SNX18: variants seen among roughly 807,000 people sequenced by gnomAD.
The protein encoded by SNX18 is sorting nexin-18.
In SNX18, 35 loss-of-function variants were observed where a neutral mutation model predicts 48.7. The ratio of observed to expected loss-of-function variants is 0.72; its 90% CI spans 0.55 to 0.95. SNX18 has a LOEUF of 0.95. Among genes scored for constraint, SNX18 ranks in the 40% least tolerant of loss-of-function variants. The pLI, the probability that SNX18 is intolerant of heterozygous loss-of-function variation, is 0.00. For missense variants in SNX18, 824 were observed against 871.0 expected, an observed-to-expected ratio of 0.95 and a Z score of 0.68; for synonymous variants, 492 against 384.7, an observed-to-expected ratio of 1.28 and a Z score of -3.26.
At chr5:54,638,512 G>C in the SNX18 span, among the ~76,000 whole-genome samples, 1 of 144,298 alleles carries the variant, frequency 6.9e-6, no homozygotes, top group Non-Finnish European at 1.5e-5. Context: ...AAAATTTTTT[G>C]GTGAAGAATT....
At chr5:54,520,407 C>T (rs1762000821) in intron 1 of SNX18, 1 of 168,334 alleles carries the variant, frequency 5.9e-6, no homozygotes, top group African/African-American at 2.4e-5. Context: ...CTTAACATTT[C>T]TTACTAATGT....
the SNX18 span, among the ~76,000 whole-genome samples, chr5:54,628,999 A>G: frequency 3.9e-5 from 6 of 152,322 alleles, no homozygotes; most frequent in African/African-American, 1.4e-4. Flanking sequence ...CCTACACCGG[A>G]AAGTCCTTCA....
chr5:54,574,682 G>A, the SNX18 span, among the ~76,000 whole-genome samples: 19 of 152,222 alleles, frequency 1.2e-4, no homozygotes, highest in Middle Eastern at 6.8e-3. Context: ...GGAAAGGAAG[G>A]GGGTGTGAGA....
At chr5:54,638,860 G>C in the SNX18 span, among the ~76,000 whole-genome samples, 1 of 152,134 alleles carries the variant, frequency 6.6e-6, no homozygotes, top group African/African-American at 2.4e-5. Context: ...TCCAGGGCCC[G>C]ACCTCAAGAC....
chr5:54,582,785 G>A, the SNX18 span, among the ~76,000 whole-genome samples: 1 of 151,674 alleles, frequency 6.6e-6, no homozygotes, highest in Non-Finnish European at 1.5e-5. Flanking sequence ...AAATAAATTA[G>A]AATCTGTTCG....
chr5:54,518,503 C>A lies in SNX18; in HGVS notation c.551C>A (p.Ser184Ter). ...GAYPDLDGSS[S>*]AGVGAAGRYR... is the part of the protein sequence containing the mutation. ...TACCCGGACCTCGACGGCTCGTCTT[C>A]GGCGGGTGTGGGCGCAGCCGGCCGC... is the stretch of plus-strand genomic sequence containing the variant. Residue 184 changes from serine to a stop codon, truncating the protein, a stop_gained, in exon 1 of 2, where the codon TCG becomes TAG. Transcript: ENST00000381410. LOFTEE classifies it high-confidence loss of function. 6.4e-7 allele frequency: 1 copy of A among 1,556,502 alleles called. No homozygotes were observed. Among genetic ancestry groups the A allele is most frequent in the Non-Finnish European group, 8.7e-7 (1 of 1,150,876 alleles).
chr5:54,566,735 A>G, the SNX18 span, among the ~76,000 whole-genome samples: 1 of 152,190 alleles, frequency 6.6e-6, no homozygotes, highest in African/African-American at 2.4e-5. Context: ...ACCTAGGCAT[A>G]TGGCCACACC....
the SNX18 span, among the ~76,000 whole-genome samples, chr5:54,618,402 G>A: frequency 3.9e-5 from 6 of 152,136 alleles, no homozygotes; most frequent in Non-Finnish European, 8.8e-5. Flanking sequence ...TTTCACAAAG[G>A]TAGAAATAAG....
At chr5:54,576,976 A>G in the SNX18 span, among the ~76,000 whole-genome samples, 33 of 151,906 alleles carry the variant, frequency 2.2e-4, 1 homozygote, top group African/African-American at 6.8e-4. Context: ...TAATTTTTGT[A>G]TTTTTAGTAG....
chr5:54,553,908 G>A, the SNX18 span, among the ~76,000 whole-genome samples: 1 of 152,230 alleles, frequency 6.6e-6, no homozygotes, highest in African/African-American at 2.4e-5. Context: ...CCCAGTCAGG[G>A]TGCTGCTACA....
At chr5:54,608,803 C>T in the SNX18 span, among the ~76,000 whole-genome samples, 1 of 152,136 alleles carries the variant, frequency 6.6e-6, no homozygotes, top group African/African-American at 2.4e-5. Flanking sequence ...ACCCATCCTC[C>T]TAGGCTGGTG....
chr5:54,518,205 G>A lies in SNX18; in HGVS notation c.253G>A (p.Gly85Ser). The change falls in exon 1 of 2, where the codon GGC (glycine) becomes AGC (serine). Residue 85 changes from glycine to serine, a missense_variant. Around this residue, in one of 3 missense-constraint regions of SNX18, gnomAD observed 377 missense variants for 350.6 expected, o/e 1.08. Transcript: ENST00000381410. ...PARYANVPPG[G>S]FEPLPVAPPA... is the part of the protein sequence containing the mutation. ...CCGCTACGCCAATGTGCCCCCCGGG[G>A]GCTTCGAGCCCCTGCCTGTCGCGCC... 7 of 1,398,214 alleles carry A rather than the reference G, an allele frequency of 5.0e-6. No individual in the cohort carries two copies. Among genetic ancestry groups the A allele is most frequent in the Non-Finnish European group, 5.5e-6 (6 of 1,086,020 alleles). The allele number at this position is 1,398,214 out of a possible 1,614,324, so 86.6% of individuals were successfully genotyped here.
chr5:54,601,974 A>G, the SNX18 span, among the ~76,000 whole-genome samples: 1 of 152,146 alleles, frequency 6.6e-6, no homozygotes, highest in Non-Finnish European at 1.5e-5. Flanking sequence ...ATAATTCCCT[A>G]TTCTCTGTTG....
At chr5:54,558,869 T>C in the SNX18 span, among the ~76,000 whole-genome samples, 1 of 152,140 alleles carries the variant, frequency 6.6e-6, no homozygotes, top group African/African-American at 2.4e-5. Flanking sequence ...TTCTAATGAA[T>C]GTATTTCCAA....
the SNX18 span, among the ~76,000 whole-genome samples, chr5:54,562,162 G>A: frequency 1.3e-5 from 2 of 152,162 alleles, no homozygotes; most frequent in African/African-American, 2.4e-5. Flanking sequence ...CTCTTTGCGG[G>A]CGGGCACAAA....
the SNX18 span, among the ~76,000 whole-genome samples, chr5:54,600,338 G>A: frequency 6.6e-6 from 1 of 152,170 alleles, no homozygotes; most frequent in Non-Finnish European, 1.5e-5. Flanking sequence ...ACAGATGCTG[G>A]CAAGGTTGCA....
At chr5:54,617,267 C>G in the SNX18 span, among the ~76,000 whole-genome samples, 3 of 152,186 alleles carry the variant, frequency 2.0e-5, no homozygotes, top group Non-Finnish European at 2.9e-5. Flanking sequence ...CTTTAAAATT[C>G]ATAAAAGCAT....
chr5:54,605,406 T>C, the SNX18 span, among the ~76,000 whole-genome samples: 3 of 151,986 alleles, frequency 2.0e-5, no homozygotes, highest in South Asian at 2.1e-4. Flanking sequence ...TCTTAGAAAA[T>C]GTAAAGCCAC....
chr5:54,583,190 TG>T, the SNX18 span, among the ~76,000 whole-genome samples: 1 of 152,236 alleles, frequency 6.6e-6, no homozygotes, highest in South Asian at 2.1e-4. Flanking sequence ...TTTCTCAGGC[TG>T]GTCTTGAACT....
Sources: gnomAD v4.1 joint callset for allele counts (sites outside exome capture counted in the v4.1 genomes callset) on GRCh38, gnomAD v4.1.1 for gene constraint, gnomAD v4.1.1 regional missense constraint, MANE v1.5 for transcripts, NCBI Gene and HGNC (gene_info 2026-07-23, HGNC 2026-07-21) for gene names.